Variants in EIF4G3 observed in about 807,000 individuals in gnomAD.
EIF4G3 encodes eukaryotic translation initiation factor 4 gamma 3, also known as eIF-4-gamma 3.
Under a neutral mutation model 186.4 loss-of-function variants are expected in EIF4G3, and 34 were observed. The ratio of observed to expected loss-of-function variants is 0.18; its 90% CI spans 0.14 to 0.24. EIF4G3 has a LOEUF of 0.24. Among genes scored for constraint, EIF4G3 ranks in the 10% least tolerant of loss-of-function variants. The pLI, the probability that EIF4G3 is intolerant of heterozygous loss-of-function variation, is 1.00. For synonymous variants in EIF4G3, 673 were observed against 679.5 expected, an observed-to-expected ratio of 0.99 and a Z score of 0.15; for missense variants, 1,536 against 1,948.5, an observed-to-expected ratio of 0.79 and a Z score of 3.99.
intron 36 of EIF4G3, among the ~76,000 whole-genome samples, chr1:20,808,265 G>A (rs2058502933): frequency 6.6e-6 from 1 of 152,026 alleles, no homozygotes; most frequent in Admixed American, 6.6e-5. Flanking sequence ...ATTTAAATAC[G>A]AGTAGTTTTT....
At chr1:21,168,796 T>C (rs2097904736) in intron 2 of EIF4G3, among the ~76,000 whole-genome samples, 1 of 151,976 alleles carries the variant, frequency 6.6e-6, no homozygotes, top group African/African-American at 2.4e-5. Flanking sequence ...GTACATAATC[T>C]GACTTTATGT....
chr1:21,082,969 G>C (rs898853664), intron 3 of EIF4G3, among the ~76,000 whole-genome samples: 8 of 141,818 alleles, frequency 5.6e-5, no homozygotes, highest in African/African-American at 2.1e-4. Context: ...ACCTGGGAGG[G>C]GGAGCTTGCA....
chr1:21,068,924 T>C lies in EIF4G3; in HGVS notation c.-195-17930A>G, dbSNP rs1482902664. Among the ~76,000 whole-genome samples the C allele has an allele frequency of 3.9e-5, 6 of 152,314 alleles. No homozygotes were observed. In the East Asian group the frequency reaches 1.2e-3, roughly 29 times the overall value. On this transcript the variant is annotated intron_variant, in intron 3 of 36. Transcript: ENST00000602326. Reference sequence around the variant, plus strand: ...AAATCCAAAATCTGAACTGCTCCATTGAGCATTTCCTTTGAGAATAATGCT... The same window carrying C: ...AAATCCAAAATCTGAACTGCTCCATCGAGCATTTCCTTTGAGAATAATGCT...
rs146004558 is a variant in EIF4G3, at chr1:20,879,440, T to A, written c.2505A>T (p.Gly835=). ...MFNQLMKQVS[G]LTVDTEERLK... ...GCCGCTCCTCTGTGTCAACAGTAAG[T>A]CCTGACACTTGCTTCATCAGTTGAT... Residue 835 remains glycine, a synonymous_variant, in exon 20 of 37, where the codon GGA becomes GGT. Coordinates refer to ENST00000602326, the MANE Select transcript of EIF4G3 (RefSeq NM_001391906.1). 307 of 1,589,030 alleles carry A rather than the reference T, an allele frequency of 1.9e-4. 1 individual carries two copies. Among genetic ancestry groups the A allele is most frequent in the Middle Eastern group, 1.7e-3 (10 of 5,966 alleles).
At chr1:20,934,879 ATAT>A (rs1343504576) in intron 14 of EIF4G3, among the ~76,000 whole-genome samples, 1 of 152,120 alleles carries the variant, frequency 6.6e-6, no homozygotes, top group Non-Finnish European at 1.5e-5. Context: ...GACTCTGATC[ATAT>A]TATTTAAATA....
chr1:20,983,513 TCAATGCA>T (rs1399376486), intron 7 of EIF4G3, among the ~76,000 whole-genome samples: 5 of 152,082 alleles, frequency 3.3e-5, no homozygotes, highest in African/African-American at 1.2e-4. Flanking sequence ...CTATCATGCA[TCAATGCA>T]TGTGATCTGT....
At chr1:21,075,559 A>G (rs963520562) in intron 3 of EIF4G3, among the ~76,000 whole-genome samples, 2 of 117,612 alleles carry the variant, frequency 1.7e-5, no homozygotes, top group African/African-American at 6.5e-5. Context: ...ACAGAGTGAG[A>G]CTCCAACTCA....
At chr1:21,036,587 G>A (rs2093221438) in intron 4 of EIF4G3, among the ~76,000 whole-genome samples, 1 of 152,090 alleles carries the variant, frequency 6.6e-6, no homozygotes, top group African/African-American at 2.4e-5. Context: ...CTATATAAAT[G>A]CTTATTTGTG....
intron 2 of EIF4G3, among the ~76,000 whole-genome samples, chr1:21,173,779 C>T (rs1434469242): frequency 6.6e-6 from 1 of 152,194 alleles, no homozygotes; most frequent in African/African-American, 2.4e-5. Context: ...TCTATTCAAG[C>T]CATGAACAGT....
intron 34 of EIF4G3, among the ~76,000 whole-genome samples, chr1:20,815,616 T>C (rs2060440869): frequency 6.6e-6 from 1 of 150,764 alleles, no homozygotes; most frequent in African/African-American, 2.4e-5. Context: ...GAGGAGCCTC[T>C]CCGCCCGGCA....
At chr1:20,880,070 G>A (rs1301413655) in intron 19 of EIF4G3, among the ~76,000 whole-genome samples, 2 of 150,986 alleles carry the variant, frequency 1.3e-5, no homozygotes, top group Non-Finnish European at 2.9e-5. Flanking sequence ...CTAGTAAAAG[G>A]AGATATACAA....
chr1:21,004,966 C>G (rs1171821580), intron 4 of EIF4G3, among the ~76,000 whole-genome samples: 1 of 151,996 alleles, frequency 6.6e-6, no homozygotes, highest in Non-Finnish European at 1.5e-5. Flanking sequence ...AATCTAGCCA[C>G]TAACCTAAAA....
intron 15 of EIF4G3, among the ~76,000 whole-genome samples, chr1:20,902,066 ATT>A (rs764509538): frequency 3.5e-5 from 5 of 143,504 alleles, no homozygotes; most frequent in African/African-American, 5.1e-5. Context: ...CTAGGCTATA[ATT>A]TTTTTTTTTT....
chr1:20,969,936 A>G (rs149448026), intron 11 of EIF4G3, among the ~76,000 whole-genome samples: 4 of 152,324 alleles, frequency 2.6e-5, no homozygotes, highest in African/African-American at 9.6e-5. Context: ...TACTTTTAAT[A>G]TATGAAAGTT....
intron 12 of EIF4G3, among the ~76,000 whole-genome samples, chr1:20,962,908 G>GTT (rs66593105): frequency 1.9e-4 from 26 of 139,206 alleles, no homozygotes; most frequent in African/African-American, 6.4e-4. Context: ...TTGTAGTTTT[G>GTT]TTTTTTTTTT....
intron 4 of EIF4G3, among the ~76,000 whole-genome samples, chr1:21,010,772 T>C (rs1164483469): frequency 2.6e-5 from 4 of 152,238 alleles, no homozygotes; most frequent in African/African-American, 7.2e-5. Context: ...TCTACTTTCA[T>C]AGAAGTACAA....
chr1:21,034,781 T>C (rs1430971364), intron 4 of EIF4G3, among the ~76,000 whole-genome samples: 1 of 152,066 alleles, frequency 6.6e-6, no homozygotes, highest in Non-Finnish European at 1.5e-5. Context: ...ACTTCGGCAG[T>C]AGGCTCAGAT....
At chr1:20,857,317 T>C in intron 25 of EIF4G3, 86 bp downstream of exon 25, 1 of 1,112,150 alleles carries the variant, frequency 9.0e-7, no homozygotes, top group Non-Finnish European at 1.4e-6. Flanking sequence ...GTTTTGCAAC[T>C]ATTGTAAATT....
At chr1:21,109,733 G>A (rs1477721573) in intron 2 of EIF4G3, among the ~76,000 whole-genome samples, 2 of 152,056 alleles carry the variant, frequency 1.3e-5, no homozygotes, top group African/African-American at 4.8e-5. Context: ...TAATTTTTGA[G>A]GACTAACACA....
Sources: allele counts gnomAD v4.1 joint callset (sites outside exome capture counted in the v4.1 genomes callset), GRCh38; gene constraint gnomAD v4.1.1; transcripts MANE v1.5; gene names NCBI Gene and HGNC (gene_info 2026-07-23, HGNC 2026-07-21).